The following PHF24 variants were observed in gnomAD, a reference collection of about 807,000 sequenced individuals.
PHF24 encodes the protein PHD finger protein 24.
Under a neutral mutation model 42.6 loss-of-function variants are expected in PHF24, and 25 were observed. The ratio of observed to expected loss-of-function variants is 0.59; its 90% CI spans 0.43 to 0.82. The LOEUF is 0.82. PHF24 is among the 40% of genes least tolerant of loss of function. The pLI is 0.00. For missense variants in PHF24, 470 were observed against 538.1 expected (o/e 0.87, Z 1.25); for synonymous variants, 185 against 204.8 (o/e 0.90, Z 0.83).
the PHF24 span, among the ~76,000 whole-genome samples, chr9:34,752,004 T>C: frequency 6.6e-6 from 1 of 151,790 alleles, no homozygotes; most frequent in South Asian, 2.1e-4. Context: ...TTGAAACAAA[T>C]GATAATGGAA....
the PHF24 span, among the ~76,000 whole-genome samples, chr9:34,779,617 A>G: frequency 1.3e-5 from 2 of 152,218 alleles, no homozygotes. Flanking sequence ...AATACTTACT[A>G]CAATTCTACA....
At chr9:34,862,603 G>T in the PHF24 span, among the ~76,000 whole-genome samples, 1 of 152,026 alleles carries the variant, frequency 6.6e-6, no homozygotes, top group Non-Finnish European at 1.5e-5. Context: ...CCCATAACCT[G>T]CTAACTAAAG....
chr9:34,811,824 A>G, the PHF24 span, among the ~76,000 whole-genome samples: 1 of 152,256 alleles, frequency 6.6e-6, no homozygotes, highest in African/African-American at 2.4e-5. Flanking sequence ...AATTCTATGC[A>G]TAAAAGAATA....
chr9:34,747,326 G>A, the PHF24 span, among the ~76,000 whole-genome samples: 1 of 152,106 alleles, frequency 6.6e-6, no homozygotes, highest in African/African-American at 2.4e-5. Flanking sequence ...TGAAGTGCAC[G>A]GATCGCTTGA....
At chr9:34,834,892 G>A in the PHF24 span, 9 of 1,406,190 alleles carry the variant, frequency 6.4e-6, no homozygotes, top group Non-Finnish European at 8.6e-6. Flanking sequence ...GATCATTGAA[G>A]AGAAAAGGAT....
the PHF24 span, among the ~76,000 whole-genome samples, chr9:34,790,879 T>C: frequency 0.94 from 142,986 of 152,090 alleles, 67,580 homozygotes; most frequent in Non-Finnish European, 0.99. Context: ...ATTGCAAAGG[T>C]GCCAAGAGGG....
chr9:34,892,806 C>G, the PHF24 span: 1 of 629,532 alleles, frequency 1.6e-6, no homozygotes, highest in East Asian at 2.8e-5. Context: ...TGAAAGTGAT[C>G]AGCCCAGGAA....
chr9:34,688,894 A>C, the PHF24 span, among the ~76,000 whole-genome samples: 1 of 152,376 alleles, frequency 6.6e-6, no homozygotes, highest in African/African-American at 2.4e-5. Context: ...ATGTGATCCC[A>C]GTCCAAGAAC....
At chr9:34,895,315 T>A in the PHF24 span, among the ~76,000 whole-genome samples, 32 of 152,178 alleles carry the variant, frequency 2.1e-4, no homozygotes, top group African/African-American at 7.7e-4. Context: ...ATTCCTTTCA[T>A]AAGTTCGGTG....
chr9:34,975,445 T>C (rs774306379), intron 3 of PHF24, among the ~76,000 whole-genome samples: 12 of 152,364 alleles, frequency 7.9e-5, no homozygotes, highest in East Asian at 1.9e-4. Flanking sequence ...TCATGAAATA[T>C]CTGCTCTTGT....
At chr9:34,859,928 C>CGAA in the PHF24 span, among the ~76,000 whole-genome samples, 3 of 152,234 alleles carry the variant, frequency 2.0e-5, no homozygotes, top group Admixed American at 2.0e-4. Context: ...ATACTTTTCT[C>CGAA]CCATGCATAT....
chr9:34,812,918 T>C, the PHF24 span, among the ~76,000 whole-genome samples: 2 of 152,254 alleles, frequency 1.3e-5, no homozygotes, highest in African/African-American at 2.4e-5. Context: ...TTCAGAAGTT[T>C]CTTTTGCTTT....
the PHF24 span, among the ~76,000 whole-genome samples, chr9:34,764,288 T>C: frequency 6.6e-6 from 1 of 151,820 alleles, no homozygotes; most frequent in Non-Finnish European, 1.5e-5. Flanking sequence ...AGTTCCTCCT[T>C]GTACCTCTGG....
chr9:34,900,712 C>T, the PHF24 span, among the ~76,000 whole-genome samples: 1 of 152,002 alleles, frequency 6.6e-6, no homozygotes, highest in East Asian at 1.9e-4. Flanking sequence ...GAACTTAATC[C>T]CCAATGTAAC....
the PHF24 span, among the ~76,000 whole-genome samples, chr9:34,905,851 T>C: frequency 6.6e-6 from 1 of 152,264 alleles, no homozygotes; most frequent in Non-Finnish European, 1.5e-5. Context: ...TTAGATTTTA[T>C]TTTGTCTTCG....
chr9:34,666,979 C>G, the PHF24 span, among the ~76,000 whole-genome samples: 1 of 152,176 alleles, frequency 6.6e-6, no homozygotes, highest in African/African-American at 2.4e-5. Flanking sequence ...ACAAACAAGA[C>G]AGGCACCTTG....
the PHF24 span, among the ~76,000 whole-genome samples, chr9:34,883,731 A>G: frequency 6.6e-6 from 1 of 152,202 alleles, no homozygotes; most frequent in Non-Finnish European, 1.5e-5. Flanking sequence ...GCTGGAGAGG[A>G]TGTGGAGAAA....
the PHF24 span, among the ~76,000 whole-genome samples, chr9:34,817,359 C>T: frequency 7.9e-5 from 12 of 152,108 alleles, no homozygotes; most frequent in African/African-American, 1.2e-4. Context: ...ATCTTCCTGT[C>T]GCAGTCTCCC....
chr9:34,772,304 A>G, the PHF24 span, among the ~76,000 whole-genome samples: 1 of 152,360 alleles, frequency 6.6e-6, no homozygotes, highest in Non-Finnish European at 1.5e-5. Context: ...TTTAGACTTA[A>G]TAATTTCACT....
Sources: allele counts gnomAD v4.1 joint callset (sites outside exome capture counted in the v4.1 genomes callset), GRCh38; gene constraint gnomAD v4.1.1; transcripts MANE v1.5; gene names NCBI Gene and HGNC (gene_info 2026-07-23, HGNC 2026-07-21).